Variants in KCNAB1 observed in about 807,000 individuals in gnomAD.
KCNAB1 encodes voltage-gated potassium channel subunit beta-1.
A neutral mutation model predicts 64.6 loss-of-function variants in KCNAB1; 35 were observed. The ratio of observed to expected loss-of-function variants is 0.54; its 90% CI spans 0.41 to 0.72. The LOEUF (loss-of-function observed/expected upper bound fraction) is 0.72, where lower values mean the gene tolerates loss of function less well. KCNAB1 is among the 30% of genes least tolerant of loss of function. KCNAB1 has a pLI of 0.00. For synonymous variants in KCNAB1, 177 were observed against 183.8 expected, an observed-to-expected ratio of 0.96 and a Z score of 0.30; for missense variants, 401 against 512.9, an observed-to-expected ratio of 0.78 and a Z score of 2.11.
intron 1 of KCNAB1, among the ~76,000 whole-genome samples, chr3:156,403,390 C>A (rs1390836263): frequency 2.6e-5 from 4 of 152,196 alleles, no homozygotes; most frequent in African/African-American, 4.8e-5. Context: ...TATTTCTATT[C>A]TTTCTTTACC....
intron 7 of KCNAB1, among the ~76,000 whole-genome samples, chr3:156,471,037 A>G (rs1324952387): frequency 6.6e-6 from 1 of 152,236 alleles, no homozygotes; most frequent in Non-Finnish European, 1.5e-5. Context: ...AATTATATAA[A>G]CAATGTATAT....
chr3:156,193,811 A>G (rs1225204675), intron 1 of KCNAB1, among the ~76,000 whole-genome samples: 1 of 152,202 alleles, frequency 6.6e-6, no homozygotes, highest in Non-Finnish European at 1.5e-5. Context: ...GGGTGGGGAC[A>G]CAGCCAAACC....
chr3:156,230,109 A>G (rs538025574), intron 1 of KCNAB1, among the ~76,000 whole-genome samples: 114 of 152,306 alleles, frequency 7.5e-4, no homozygotes, highest in African/African-American at 2.7e-3. Flanking sequence ...GTTATCATCC[A>G]GTTTTAAGTT....
At chr3:156,507,654 A>C (rs1407965900) in intron 8 of KCNAB1, among the ~76,000 whole-genome samples, 1 of 152,248 alleles carries the variant, frequency 6.6e-6, no homozygotes, top group Admixed American at 6.5e-5. Context: ...AAGCTTCTGA[A>C]GTTAAATAAA....
At chr3:156,514,995 G>T in intron 9 of KCNAB1, 105 bp from the exon 10 acceptor site, 2 of 1,175,212 alleles carry the variant, frequency 1.7e-6, no homozygotes, top group South Asian at 2.0e-5. Context: ...ATGTTTCTTG[G>T]TTTGTACTGA....
At chr3:156,203,240 A>G (rs1363007662) in intron 1 of KCNAB1, among the ~76,000 whole-genome samples, 1 of 152,226 alleles carries the variant, frequency 6.6e-6, no homozygotes, top group Non-Finnish European at 1.5e-5. Context: ...AGTAGTTGCA[A>G]TAGAGATTGT....
chr3:156,471,238 T>A (rs1713864149), intron 7 of KCNAB1, among the ~76,000 whole-genome samples: 1 of 152,198 alleles, frequency 6.6e-6, no homozygotes, highest in Admixed American at 6.5e-5. Flanking sequence ...CTGCTGACTG[T>A]CTGGAATAAA....
intron 1 of KCNAB1, among the ~76,000 whole-genome samples, chr3:156,219,699 TTATTATTA>T (rs1715575215): frequency 1.2e-4 from 2 of 17,304 alleles, no homozygotes; most frequent in South Asian, 6.6e-3. Flanking sequence ...AATCTTTTTA[TTATTATTA>T]TTATTATTAT....
At chr3:156,294,357 A>C (rs995653385) in intron 1 of KCNAB1, among the ~76,000 whole-genome samples, 5 of 152,198 alleles carry the variant, frequency 3.3e-5, no homozygotes, top group African/African-American at 1.2e-4. Flanking sequence ...TATCTGTAAC[A>C]GTCAGGAGAT....
chr3:156,308,819 A>G lies in KCNAB1; in HGVS notation c.276-112797A>G, dbSNP rs3772230. ...GTTAGAAAGCATCAGGAGTTTTGTC[A>G]TCATGTTTCTTTGTTCTGAACAGCT... On this transcript the variant is annotated intron_variant, in intron 1 of 13. Coordinates refer to ENST00000490337, the MANE Select transcript of KCNAB1 (RefSeq NM_172160.3). 2.3e-3 allele frequency among the ~76,000 whole-genome samples: 353 copies of G among 152,316 alleles called. 2 individuals are homozygous for G. Among genetic ancestry groups the G allele is most frequent in the East Asian group, 0.017 (89 of 5,188 alleles).
Position 156,219,672 on chromosome 3 carries a change from T to G in KCNAB1, c.275+98786T>G, listed in dbSNP as rs960781113. ...CACATAGTCCTCAGGTTATCTAAAGTCAAAAGCGAAGGAAGGAATCTTTTT... is the reference window on the plus strand; with the variant it reads ...CACATAGTCCTCAGGTTATCTAAAGGCAAAAGCGAAGGAAGGAATCTTTTT... On this transcript the variant is annotated intron_variant, in intron 1 of 13. Transcript: ENST00000490337. 2.6e-5 allele frequency among the ~76,000 whole-genome samples: 4 copies of G among 151,488 alleles called. No homozygotes were observed. The East Asian group carries it at 7.7e-4, about 29-fold the overall frequency.
chr3:156,393,180 C>A (rs780809159), intron 1 of KCNAB1, among the ~76,000 whole-genome samples: 2 of 152,222 alleles, frequency 1.3e-5, no homozygotes, highest in African/African-American at 4.8e-5. Context: ...AACAGACTTG[C>A]GCCAGGCAGG....
intron 1 of KCNAB1, among the ~76,000 whole-genome samples, chr3:156,311,659 T>C (rs972041469): frequency 6.6e-6 from 1 of 152,154 alleles, no homozygotes; most frequent in Non-Finnish European, 1.5e-5. Context: ...CATTGCATAT[T>C]CTTTAGCACT....
At chr3:156,135,707 A>G (rs1457487271) in intron 1 of KCNAB1, among the ~76,000 whole-genome samples, 1 of 152,150 alleles carries the variant, frequency 6.6e-6, no homozygotes, top group East Asian at 1.9e-4. Flanking sequence ...TTTGTAGTTG[A>G]GATTTACTTT....
At chr3:156,392,719 T>G (rs1713137462) in intron 1 of KCNAB1, among the ~76,000 whole-genome samples, 1 of 152,212 alleles carries the variant, frequency 6.6e-6, no homozygotes, top group African/African-American at 2.4e-5. Flanking sequence ...AAGCAAATAA[T>G]TTTGTGGCAA....
chr3:156,434,698 A>G (rs1716469406), intron 2 of KCNAB1, among the ~76,000 whole-genome samples: 1 of 152,194 alleles, frequency 6.6e-6, no homozygotes, highest in South Asian at 2.1e-4. Context: ...AAGGAAATCA[A>G]ATTTGAAATG....
chr3:156,373,586 G>T (rs997991905), intron 1 of KCNAB1, among the ~76,000 whole-genome samples: 1 of 152,182 alleles, frequency 6.6e-6, no homozygotes, highest in African/African-American at 2.4e-5. Context: ...TAAAATAGTT[G>T]TTAATCACAG....
At chr3:156,281,818 TTATCA>T (rs1719745469) in intron 1 of KCNAB1, among the ~76,000 whole-genome samples, 1 of 150,362 alleles carries the variant, frequency 6.7e-6, no homozygotes, top group Admixed American at 6.6e-5. Context: ...GATATCCCCT[TTATCA>T]TTTTTTATTG....
chr3:156,332,569 C>T (rs1162568096), intron 1 of KCNAB1, among the ~76,000 whole-genome samples: 1 of 152,100 alleles, frequency 6.6e-6, no homozygotes, highest in African/African-American at 2.4e-5. Flanking sequence ...AGTGTCGTGA[C>T]ATCTGCTATA....
Sources: gnomAD v4.1 joint callset for allele counts (sites outside exome capture counted in the v4.1 genomes callset) on GRCh38, gnomAD v4.1.1 for gene constraint, MANE v1.5 for transcripts, NCBI Gene and HGNC (gene_info 2026-07-23, HGNC 2026-07-21) for gene names.